Variants in VRK1 observed in about 807,000 individuals in gnomAD.
VRK1 encodes VRK serine/threonine kinase 1, also known as serine/threonine-protein kinase VRK1.
Under a neutral mutation model 57.1 loss-of-function variants are expected in VRK1, and 33 were observed. The ratio of observed to expected loss-of-function variants is 0.58; its 90% CI spans 0.44 to 0.77. The LOEUF is 0.77. VRK1 is among the 30% of genes least tolerant of loss of function. The pLI is 0.00. For synonymous variants in VRK1, 137 were observed against 147.8 expected (o/e 0.93, Z 0.53); for missense variants, 413 against 477.3 (o/e 0.87, Z 1.25).
At chr14:96,858,989 A>G (rs915607311) in intron 10 of VRK1, 3 of 152,148 alleles carry the variant, frequency 2.0e-5, no homozygotes, top group Non-Finnish European at 4.4e-5. Flanking sequence ...GGGAGCACTG[A>G]CATCTTTATA....
At chr14:96,867,548 T>G (rs1888634709) in intron 11 of VRK1, among the ~76,000 whole-genome samples, 1 of 152,066 alleles carries the variant, frequency 6.6e-6, no homozygotes, top group African/African-American at 2.4e-5. Context: ...GGCAGACCTT[T>G]TTCATCTAAA....
chr14:96,814,219 T>C (rs1420445468), intron 1 of VRK1, among the ~76,000 whole-genome samples: 1 of 152,232 alleles, frequency 6.6e-6, no homozygotes, highest in East Asian at 1.9e-4. Flanking sequence ...TTAGAGACTG[T>C]AGTACTTTAA....
At chr14:96,856,320 A>C in intron 9 of VRK1, 70 bp downstream of exon 9, 1 of 1,558,300 alleles carries the variant, frequency 6.4e-7, no homozygotes, top group Non-Finnish European at 8.8e-7. Flanking sequence ...CAATTTCTTG[A>C]TAGGAACTAT....
At chr14:96,819,761 G>C (rs1219841703) in intron 1 of VRK1, among the ~76,000 whole-genome samples, 1 of 152,174 alleles carries the variant, frequency 6.6e-6, no homozygotes, top group African/African-American at 2.4e-5. Context: ...TTGTTGATAT[G>C]CTTGAAAAAG....
Position 96,876,181 on chromosome 14 carries a change from A to G in VRK1, c.1159+61A>G, listed in dbSNP as rs908255412. ...GTAAACACAAATTTCATTTCCTCCC[A>G]TTAGATGAGGGGTCAACTATTTGGG... is the stretch of plus-strand genomic sequence containing the variant. On this transcript the variant is annotated intron_variant, in intron 12 of 12. Transcript: ENST00000216639. 21 of 1,506,538 alleles carry G rather than the reference A, an allele frequency of 1.4e-5. No homozygotes were observed. In the African/African-American group the frequency reaches 1.8e-4, roughly 13 times the overall value. The allele number at this position is 1,506,538 out of a possible 1,614,324, so 93.3% of individuals were successfully genotyped here. A position where few individuals can be genotyped will look rare whatever the true frequency, so the allele number is the denominator to read the frequency against.
intron 3 of VRK1, among the ~76,000 whole-genome samples, chr14:96,840,968 A>ACCTCAG (rs1325829650): frequency 2.0e-5 from 3 of 150,552 alleles, no homozygotes; most frequent in African/African-American, 7.3e-5. Flanking sequence ...TGATCCTCTC[A>ACCTCAG]CCTCAGCCTC....
At chr14:96,850,358 T>C (rs1887899179) in intron 5 of VRK1, among the ~76,000 whole-genome samples, 1 of 152,222 alleles carries the variant, frequency 6.6e-6, no homozygotes, top group Admixed American at 6.5e-5. Context: ...ATATTTTTCT[T>C]TTACTTGCAC....
intron 5 of VRK1, among the ~76,000 whole-genome samples, chr14:96,848,949 C>A (rs192460653): frequency 6.6e-6 from 1 of 152,120 alleles, no homozygotes; most frequent in Non-Finnish European, 1.5e-5. Flanking sequence ...GGGAGATGAA[C>A]GTGAGCACAG....
chr14:96,828,534 A>G (rs1445100823), intron 1 of VRK1, among the ~76,000 whole-genome samples: 3 of 152,146 alleles, frequency 2.0e-5, no homozygotes, highest in East Asian at 3.8e-4. Flanking sequence ...TAAACTACAG[A>G]CCATTCTTAT....
At chr14:96,874,514 C>T (rs1888949073) in intron 11 of VRK1, among the ~76,000 whole-genome samples, 1 of 152,182 alleles carries the variant, frequency 6.6e-6, no homozygotes, top group Non-Finnish European at 1.5e-5. Flanking sequence ...CCCCTTTTCT[C>T]ATCAGTTATA....
chr14:96,864,032 C>T (rs1019077017), intron 11 of VRK1, among the ~76,000 whole-genome samples: 7 of 152,134 alleles, frequency 4.6e-5, no homozygotes, highest in Admixed American at 2.6e-4. Context: ...TAGCCTGATA[C>T]GGTAATAAAG....
intron 3 of VRK1, among the ~76,000 whole-genome samples, chr14:96,844,349 G>A (rs1032086076): frequency 1.3e-5 from 2 of 152,144 alleles, no homozygotes; most frequent in African/African-American, 4.8e-5. Flanking sequence ...TCCTTCTTAA[G>A]GAGTTGTTGC....
At chr14:96,831,606 T>C (rs574036406) in intron 1 of VRK1, among the ~76,000 whole-genome samples, 2 of 152,336 alleles carry the variant, frequency 1.3e-5, no homozygotes, top group African/African-American at 4.8e-5. Context: ...ACAATTTACA[T>C]TGAATAGATG....
At chr14:96,813,652 A>G (rs1886288593) in intron 1 of VRK1, among the ~76,000 whole-genome samples, 2 of 151,956 alleles carry the variant, frequency 1.3e-5, no homozygotes. Context: ...AGGCCATGGG[A>G]TATGTATTTA....
chr14:96,817,772 A>C (rs1483116274), intron 1 of VRK1, among the ~76,000 whole-genome samples: 3 of 152,346 alleles, frequency 2.0e-5, no homozygotes, highest in African/African-American at 7.2e-5. Flanking sequence ...AAATATGCTA[A>C]GTGTTATGTA....
intron 10 of VRK1, among the ~76,000 whole-genome samples, chr14:96,859,310 T>C (rs558967170): frequency 6.6e-6 from 1 of 152,302 alleles, no homozygotes; most frequent in South Asian, 2.1e-4. Flanking sequence ...TAGTATTATG[T>C]TGTTTGTGAA....
At chr14:96,826,484 A>C (rs1340096069) in intron 1 of VRK1, among the ~76,000 whole-genome samples, 1 of 152,210 alleles carries the variant, frequency 6.6e-6, no homozygotes, top group Non-Finnish European at 1.5e-5. Flanking sequence ...ATTTAATATC[A>C]GAGGAAAAGA....
At chr14:96,867,714 T>G (rs1888641292) in intron 11 of VRK1, among the ~76,000 whole-genome samples, 1 of 152,194 alleles carries the variant, frequency 6.6e-6, no homozygotes, top group Non-Finnish European at 1.5e-5. Context: ...TCCTAACTCT[T>G]CGACCACATG....
chr14:96,864,962 C>G (rs967424353), intron 11 of VRK1, among the ~76,000 whole-genome samples: 17 of 150,702 alleles, frequency 1.1e-4, no homozygotes, highest in African/African-American at 4.1e-4. Context: ...TTTTGATTTG[C>G]CAGAGTTGAA....
Sources: gnomAD v4.1 joint callset for allele counts (sites outside exome capture counted in the v4.1 genomes callset) on GRCh38, gnomAD v4.1.1 for gene constraint, MANE v1.5 for transcripts, NCBI Gene and HGNC (gene_info 2026-07-23, HGNC 2026-07-21) for gene names.